Variants in WNT16 observed in about 807,000 individuals in gnomAD.
The protein encoded by WNT16 is Wnt family member 16, also known as protein Wnt-16.
WNT16 carries 20 observed loss-of-function variants against 35.4 expected under a neutral mutation model. The observed-to-expected ratio is 0.56, with a 90% CI of 0.40 to 0.82. The LOEUF (loss-of-function observed/expected upper bound fraction) is 0.82, where lower values mean the gene tolerates loss of function less well. Ranked by LOEUF, WNT16 falls within the 40% of genes least tolerant of loss-of-function variation. The pLI is 0.00. For synonymous variants in WNT16, 180 were observed against 179.2 expected, an observed-to-expected ratio of 1.00 and a Z score of -0.03; for missense variants, 461 against 466.0, an observed-to-expected ratio of 0.99 and a Z score of 0.10.
chr7:121,338,789 C>A, intron 3 of WNT16, 92 bp from the exon 4 acceptor site: 2 of 1,081,542 alleles, frequency 1.8e-6, no homozygotes, highest in Non-Finnish European at 2.6e-6. Flanking sequence ...GGAAATAGAC[C>A]CAGAAAGTTA....
At chr7:121,329,901 T>C in intron 2 of WNT16, 84 bp downstream of exon 2, 6 of 1,532,458 alleles carry the variant, frequency 3.9e-6, no homozygotes, top group Admixed American at 1.9e-5. Flanking sequence ...TAAATAGTGC[T>C]ACGTGGTCCT....
Position 121,339,238 on chromosome 7 carries a change from A to T in WNT16, c.991A>T (p.Thr331Ser). ...CCTCTGCTGTGGCCGAGGTTACAACACCCATGTGGTCAGGCACGTGGAGAG... is the reference window on the plus strand; with the variant it reads ...CCTCTGCTGTGGCCGAGGTTACAACTCCCATGTGGTCAGGCACGTGGAGAG... Reference protein sequence around the residue: ...NLLCCGRGYNTHVVRHVERCE... With the variant: ...NLLCCGRGYNSHVVRHVERCE... The change falls in exon 4 of 4, where the codon ACC (threonine) becomes TCC (serine). Residue 331 changes from threonine (T) to serine (S), a missense_variant. Transcript: ENST00000222462. The T allele has an allele frequency of 6.2e-7, 1 of 1,614,148 alleles. No homozygotes were observed. The highest frequency in any genetic ancestry group is 8.5e-7 in the Non-Finnish European group (1 of 1,180,018).
At position 121,339,137 on chromosome 7, in the gene WNT16, A is replaced by C; in HGVS notation, c.890A>C (p.Asp297Ala). 1 of 1,614,200 alleles carries C rather than the reference A, an allele frequency of 6.2e-7. No individual in the cohort carries two copies. The highest frequency in any genetic ancestry group is 2.2e-5 in the East Asian group (1 of 44,888). ...VNKSPNYCVE[D>A]KKLGIPGTQG... ...AAGTCTCCCAACTACTGTGTAGAAG[A>C]TAAGAAACTGGGAATCCCAGGGACA... The change falls in exon 4 of 4, where the codon GAT becomes GCT. Residue 297 changes from aspartate (D) to alanine (A), a missense_variant. Physicochemically the swap from Asp to Ala is moderately radical, Grantham distance 126 (BLOSUM62 -2). Transcript: ENST00000222462.
At position 121,329,608 on chromosome 7, in the gene WNT16, G is replaced by A. The variant is rs1562874743; in HGVS notation, c.137G>A (p.Gly46Asp). ...IASFGVPEKL[G>D]CANLPLNSRQ... Reference sequence around the variant, plus strand: ...TCCTTCGGGGTTCCAGAGAAGCTGGGCTGCGCCAATTTGCCGCTGAACAGC... The same window carrying A: ...TCCTTCGGGGTTCCAGAGAAGCTGGACTGCGCCAATTTGCCGCTGAACAGC... The change falls in exon 2 of 4, where the codon GGC becomes GAC. Residue 46 changes from glycine (G) to aspartate (D), a missense_variant. Gly to Asp is a moderately conservative substitution (Grantham distance 94, BLOSUM62 -1). Transcript: ENST00000222462. 2 of 1,614,120 alleles carry A rather than the reference G, an allele frequency of 1.2e-6. No individual in the cohort carries two copies. Among genetic ancestry groups the A allele is most frequent in the African/African-American group, 1.3e-5 (1 of 74,950 alleles).
At position 121,331,928 on chromosome 7, in the gene WNT16, A is replaced by G. The variant is rs1364691703; in HGVS notation, c.597A>G (p.Leu199=). ...NTTGKENKVL[L]AMNLHNNEAG... ...CGGGCAAAGAAAACAAAGTACTATTAGCAATGAACCTACATAACAATGAAG... is the reference window on the plus strand; with the variant it reads ...CGGGCAAAGAAAACAAAGTACTATTGGCAATGAACCTACATAACAATGAAG... The change falls in exon 3 of 4, where the codon TTA becomes TTG. Residue 199 remains leucine, a synonymous_variant. Transcript: ENST00000222462. 1 of 1,614,070 alleles carries G rather than the reference A, an allele frequency of 6.2e-7. No homozygotes were observed. Among genetic ancestry groups the G allele is most frequent in the Non-Finnish European group, 8.5e-7 (1 of 1,180,048 alleles).
chr7:121,329,106 C>T lies in WNT16; in HGVS notation c.-187C>T. 1 of 1,373,856 alleles carries T rather than the reference C, an allele frequency of 7.3e-7. No homozygotes were observed. The highest frequency in any genetic ancestry group is 9.4e-7 in the Non-Finnish European group (1 of 1,065,680). 85.1% of individuals were successfully genotyped at this position (1,373,856 alleles called of 1,614,324 possible). On this transcript the variant is annotated 5_prime_UTR_variant, in exon 1 of 4. An upstream open reading frame in the 5' UTR gains an earlier in-frame stop. Transcript: ENST00000222462. ...CAGGCTGCTCTCTCCATCTCTCCTA[C>T]AGCTCCCTGCAAACGAGGGGGAAGC... is the stretch of plus-strand genomic sequence containing the variant.
At chr7:121,326,038 CAAAAAA>C (rs386411143), upstream of WNT16, among the ~76,000 whole-genome samples, 30 of 23,096 alleles carry the variant, frequency 1.3e-3, no homozygotes, top group African/African-American at 3.4e-3. Flanking sequence ...TACCTCATCT[CAAAAAA>C]AAAAAAAAAA....
chr7:121,328,162 G>T (rs759367344), upstream of WNT16, among the ~76,000 whole-genome samples: 1 of 152,184 alleles, frequency 6.6e-6, no homozygotes, highest in Non-Finnish European at 1.5e-5. Context: ...AGGTGGCAAA[G>T]GGGTGCCCAA....
chr7:121,339,050 G>A lies in WNT16; in HGVS notation c.803G>A (p.Arg268His), dbSNP rs372532684. The change falls in exon 4 of 4, where the codon CGC becomes CAC. Residue 268 changes from arginine (R) to histidine (H), a missense_variant. Arg to His is a conservative substitution (Grantham distance 29). Coordinates refer to ENST00000222462, the MANE Select transcript of WNT16 (RefSeq NM_057168.2). ...TCAGACAAAACAAAGAGGAAAATGCGCAGGAGAGAAAAAGATCAGAGGAAA... is the reference window on the plus strand; with the variant it reads ...TCAGACAAAACAAAGAGGAAAATGCACAGGAGAGAAAAAGATCAGAGGAAA... The part of the protein sequence containing the change: ...QISDKTKRKM[R>H]RREKDQRKIP... 1.1e-5 allele frequency: 18 copies of A among 1,613,992 alleles called. No individual in the cohort carries two copies. The highest frequency in any genetic ancestry group is 9.3e-5 in the African/African-American group (7 of 74,920).
At chr7:121,332,440 T>C (rs907917842) in intron 3 of WNT16, among the ~76,000 whole-genome samples, 21 of 152,236 alleles carry the variant, frequency 1.4e-4, no homozygotes, top group Admixed American at 1.2e-3. Flanking sequence ...GCACAATGCC[T>C]GTAGGGTTCA....
At position 121,339,619 on chromosome 7, in the gene WNT16, A is replaced by G. The variant is rs1043602695; in HGVS notation, c.*274A>G. 7 of 462,418 alleles carry G rather than the reference A, an allele frequency of 1.5e-5. No individual in the cohort carries two copies. In the South Asian group the frequency reaches 2.0e-4, roughly 13 times the overall value. 28.6% of individuals were successfully genotyped at this position (462,418 alleles called of 1,614,324 possible). On this transcript the variant is annotated 3_prime_UTR_variant, in exon 4 of 4. Transcript: ENST00000222462. ...TATATATTGACATACAAGGAAGATA[A>G]TCTGTTTCCTAAGCAAGAAATAACA...
chr7:121,331,311 C>T (rs1267502105), intron 2 of WNT16, among the ~76,000 whole-genome samples: 1 of 152,184 alleles, frequency 6.6e-6, no homozygotes. Context: ...TTACCGTTTA[C>T]AGTATCTATG....
rs773585692 is a variant in WNT16, at chr7:121,329,754, A to G, written c.283A>G (p.Thr95Ala). 6.2e-7 allele frequency: 1 copy of G among 1,604,388 alleles called. No homozygotes were observed. The highest frequency in any genetic ancestry group is 8.5e-7 in the Non-Finnish European group (1 of 1,179,056). The change falls in exon 2 of 4, where the codon ACC becomes GCC. Residue 95 changes from threonine to alanine, a missense_variant. Coordinates refer to ENST00000222462, the MANE Select transcript of WNT16 (RefSeq NM_057168.2). Reference sequence around the variant, plus strand: ...ACACGAGAGATGGAACTGCATGATCACCGCCGCCGCCACTACCGCCCCGAT... The same window carrying G: ...ACACGAGAGATGGAACTGCATGATCGCCGCCGCCGCCACTACCGCCCCGAT... ...FRHERWNCMITAAATTAPMGA... is the reference protein window; with the variant it reads ...FRHERWNCMIAAAATTAPMGA...
At chr7:121,334,307 T>C (rs926480920) in intron 3 of WNT16, among the ~76,000 whole-genome samples, 1 of 152,110 alleles carries the variant, frequency 6.6e-6, no homozygotes, top group Non-Finnish European at 1.5e-5. Flanking sequence ...TGGTAGGTAC[T>C]ATGCTGGTGT....
In WNT16 at chr7:121,331,533, CCTTT is replaced by C. The variant is rs1479282492; in HGVS notation, c.347-142_347-139del. ...AGAGACTAGAACAAGAGCAAATCTT[CCTTT>C]CTAAATATGTACTCGTTAACGCATC... is the stretch of plus-strand genomic sequence containing the variant. On this transcript the variant is annotated intron_variant, in intron 2 of 3. Transcript: ENST00000222462. The C allele has an allele frequency of 8.5e-6, 6 of 703,262 alleles. No individual in the cohort carries two copies. The Admixed American group carries it at 8.8e-5, about 10-fold the overall frequency. The allele number at this position is 703,262 out of a possible 1,614,324, so 43.6% of individuals were successfully genotyped here. A position where few individuals can be genotyped will look rare whatever the true frequency, so the allele number is the denominator to read the frequency against.
At position 121,329,613 on chromosome 7, in the gene WNT16, G is replaced by A. The variant is rs751983691; in HGVS notation, c.142G>A (p.Ala48Thr). The change falls in exon 2 of 4, where the codon GCC becomes ACC. Residue 48 changes from alanine (A) to threonine (T), a missense_variant. Transcript: ENST00000222462. ...CGGGGTTCCAGAGAAGCTGGGCTGCGCCAATTTGCCGCTGAACAGCCGCCA... is the reference window on the plus strand; with the variant it reads ...CGGGGTTCCAGAGAAGCTGGGCTGCACCAATTTGCCGCTGAACAGCCGCCA... ...SFGVPEKLGC[A>T]NLPLNSRQKE... The A allele has an allele frequency of 5.0e-6, 8 of 1,614,206 alleles. No individual in the cohort carries two copies. The highest frequency in any genetic ancestry group is 4.4e-5 in the South Asian group (4 of 91,078).
chr7:121,340,612 T>C lies in WNT16; in HGVS notation c.*1267T>C, dbSNP rs1793517691. On this transcript the variant is annotated 3_prime_UTR_variant, in exon 4 of 4. Transcript: ENST00000222462. ...TTATGCTTAACTCATAAGGTTATTA[T>C]AATAAATTATATTAGTAAAAGTCTT... 1 of 152,128 alleles carries C rather than the reference T, an allele frequency of 6.6e-6. No homozygotes were observed. The highest frequency in any genetic ancestry group is 1.5e-5 in the Non-Finnish European group (1 of 67,926). The allele number at this position is 152,128 out of a possible 1,614,324, so 9.4% of individuals were successfully genotyped here.
At chr7:121,330,432 G>A (rs967813567) in intron 2 of WNT16, among the ~76,000 whole-genome samples, 9 of 152,220 alleles carry the variant, frequency 5.9e-5, no homozygotes, top group Admixed American at 1.3e-4. Context: ...CGCGGCGCGG[G>A]AAGCTGCAGG....
In WNT16 at chr7:121,331,756, G is replaced by T; in HGVS notation, c.425G>T (p.Gly142Val). The T allele has an allele frequency of 6.2e-7, 1 of 1,614,194 alleles. No homozygotes were observed. The highest frequency in any genetic ancestry group is 8.5e-7 in the Non-Finnish European group (1 of 1,180,030). The change falls in exon 3 of 4, where the codon GGC becomes GTC. Residue 142 changes from glycine (G) to valine (V), a missense_variant. By Grantham distance (109) the Gly-to-Val change is moderately radical. Transcript: ENST00000222462. The part of the protein sequence containing the change: ...VHSVTRSCSA[G>V]NMTECSCDTT... ...TCTGTGACCAGGTCATGCAGTGCAG[G>T]CAACATGACAGAGTGTTCCTGTGAC... is the stretch of plus-strand genomic sequence containing the variant.
Sources: allele counts gnomAD v4.1 joint callset (sites outside exome capture counted in the v4.1 genomes callset), GRCh38; gene constraint gnomAD v4.1.1; transcripts MANE v1.5; gene names NCBI Gene and HGNC (gene_info 2026-07-23, HGNC 2026-07-21).